CTNNA3: variants seen among roughly 807,000 people sequenced by gnomAD.
CTNNA3 encodes the protein catenin alpha 3.
CTNNA3 carries 76 observed loss-of-function variants against 95.7 expected under a neutral mutation model. That is an observed-to-expected ratio of 0.79 (90% CI 0.66 to 0.96). The LOEUF is 0.96. Among genes scored for constraint, CTNNA3 ranks in the 40% least tolerant of loss-of-function variants. The probability of loss-of-function intolerance (pLI) is 0.00; values close to 1 mark genes in which losing one functional copy is unlikely to be tolerated. For synonymous variants in CTNNA3, 431 were observed against 374.4 expected (o/e 1.15, Z -1.74); for missense variants, 1,191 against 1,089.8 (o/e 1.09, Z -1.31).
intron 7 of CTNNA3, among the ~76,000 whole-genome samples, chr10:67,026,556 C>G (rs1853400389): frequency 6.6e-6 from 1 of 152,002 alleles, no homozygotes; most frequent in Non-Finnish European, 1.5e-5. Flanking sequence ...GAGGAACATG[C>G]CTTCAAATAG....
intron 7 of CTNNA3, among the ~76,000 whole-genome samples, chr10:67,156,099 C>A (rs1324662587): frequency 2.6e-5 from 4 of 152,016 alleles, no homozygotes; most frequent in Non-Finnish European, 4.4e-5. Flanking sequence ...TCACAGTAGT[C>A]TTTTAAGATC....
intron 7 of CTNNA3, among the ~76,000 whole-genome samples, chr10:66,842,471 C>T (rs1843100705): frequency 6.6e-6 from 1 of 152,002 alleles, no homozygotes; most frequent in African/African-American, 2.4e-5. Context: ...GCCAGTAACC[C>T]AAGAGGAAAG....
chr10:66,627,428 C>A (rs982003218), intron 9 of CTNNA3, among the ~76,000 whole-genome samples: 6 of 152,080 alleles, frequency 3.9e-5, no homozygotes, highest in African/African-American at 1.2e-4. Flanking sequence ...TCTTAGCCTT[C>A]TTTCATTCTG....
intron 13 of CTNNA3, among the ~76,000 whole-genome samples, chr10:66,127,746 A>G (rs895269612): frequency 5.3e-5 from 8 of 152,214 alleles, no homozygotes; most frequent in Non-Finnish European, 2.9e-5. Context: ...TGTTAATAAT[A>G]AGGGTATAAG....
chr10:67,343,384 T>A (rs1842290054), intron 5 of CTNNA3, among the ~76,000 whole-genome samples: 1 of 152,232 alleles, frequency 6.6e-6, no homozygotes, highest in South Asian at 2.1e-4. Flanking sequence ...TTCCAATCCA[T>A]GAACATGGAA....
intron 9 of CTNNA3, among the ~76,000 whole-genome samples, chr10:66,762,234 T>G (rs1839628168): frequency 6.6e-6 from 1 of 152,144 alleles, no homozygotes; most frequent in Non-Finnish European, 1.5e-5. Context: ...ATCAAAGTAC[T>G]GGGGAGGATA....
At chr10:67,272,997 G>A (rs527530393) in intron 5 of CTNNA3, among the ~76,000 whole-genome samples, 136 of 151,936 alleles carry the variant, frequency 9.0e-4, no homozygotes, top group Non-Finnish European at 1.8e-3. Context: ...CTCACATAAA[G>A]TCCCATACTA....
intron 7 of CTNNA3, among the ~76,000 whole-genome samples, chr10:67,100,518 T>A (rs1046796104): frequency 3.4e-4 from 52 of 151,858 alleles, no homozygotes; most frequent in African/African-American, 1.2e-3. Flanking sequence ...AAACTTGCAT[T>A]TCTAACCTAT....
rs376387839 is a variant in CTNNA3 at position 67,169,971 on chromosome 10, A to G, written c.1047+10346T>C. Among the ~76,000 whole-genome samples the G allele has an allele frequency of 6.6e-5, 10 of 152,326 alleles. No homozygotes were observed. In the South Asian group the frequency reaches 2.1e-3, roughly 32 times the overall value. ...TAAAAAGCAGGTAAAGGATATGAAC[A>G]CACTTTTCAAAAGAAGACATAGATG... On this transcript the variant is annotated intron_variant, in intron 7 of 17. Coordinates refer to ENST00000433211, the MANE Select transcript of CTNNA3 (RefSeq NM_013266.4).
In CTNNA3 at chr10:66,125,962, C is replaced by T. The variant is rs545917209; in HGVS notation, c.1885-22713G>A. Among the ~76,000 whole-genome samples the T allele has an allele frequency of 2.3e-4, 35 of 152,230 alleles. 1 individual carries two copies. The highest frequency in any genetic ancestry group is 2.0e-3 in the Admixed American group (31 of 15,288). On this transcript the variant is annotated intron_variant, in intron 13 of 17. Coordinates refer to ENST00000433211, the MANE Select transcript of CTNNA3 (RefSeq NM_013266.4). Reference sequence around the variant, plus strand: ...CTTTGTCAAAAGCCATAGAAATTTACAGCACAAAGAGTAAACCTCAATTAT... The same window carrying T: ...CTTTGTCAAAAGCCATAGAAATTTATAGCACAAAGAGTAAACCTCAATTAT...
intron 7 of CTNNA3, among the ~76,000 whole-genome samples, chr10:66,846,512 A>G (rs921214374): frequency 6.6e-6 from 1 of 151,878 alleles, no homozygotes; most frequent in Non-Finnish European, 1.5e-5. Context: ...GAGGGGATAG[A>G]TATGTTTGAT....
intron 9 of CTNNA3, among the ~76,000 whole-genome samples, chr10:66,663,779 A>G (rs1846344885): frequency 6.6e-6 from 1 of 152,196 alleles, no homozygotes; most frequent in Non-Finnish European, 1.5e-5. Context: ...GAATACCTAG[A>G]GCAAAATTAA....
intron 11 of CTNNA3, among the ~76,000 whole-genome samples, chr10:66,444,815 AC>A (rs2131802316): frequency 6.6e-6 from 1 of 152,348 alleles, no homozygotes; most frequent in South Asian, 2.1e-4. Flanking sequence ...GACCAAATTC[AC>A]ACATAACACT....
intron 5 of CTNNA3, among the ~76,000 whole-genome samples, chr10:67,359,285 G>A (rs1842919752): frequency 6.7e-6 from 1 of 150,338 alleles, no homozygotes; most frequent in Non-Finnish European, 1.5e-5. Context: ...AGCCCTCTCA[G>A]GTGAGAAGAA....
chr10:66,381,005 G>A (rs2092834320), intron 11 of CTNNA3, among the ~76,000 whole-genome samples: 1 of 151,942 alleles, frequency 6.6e-6, no homozygotes, highest in Non-Finnish European at 1.5e-5. Context: ...GAGACAGAAG[G>A]TTAACAAGGA....
chr10:67,355,736 AC>A (rs1842786090), intron 5 of CTNNA3, among the ~76,000 whole-genome samples: 1 of 152,102 alleles, frequency 6.6e-6, no homozygotes, highest in African/African-American at 2.4e-5. Context: ...CAATGATAAT[AC>A]AAAGCTATCA....
Position 65,991,701 on chromosome 10 carries a change from C to A in CTNNA3, c.2160-2904G>T, listed in dbSNP as rs962607117. ...AAGATAATTTCATTGCAAAGAAGGACAATTTGGCCTCCCATTTTCCAATTT... is the reference window on the plus strand; with the variant it reads ...AAGATAATTTCATTGCAAAGAAGGAAAATTTGGCCTCCCATTTTCCAATTT... On this transcript the variant is annotated intron_variant, in intron 15 of 17. Coordinates refer to ENST00000433211, the MANE Select transcript of CTNNA3 (RefSeq NM_013266.4). Among the ~76,000 whole-genome samples the A allele has an allele frequency of 2.6e-5, 4 of 151,910 alleles. 1 individual carries two copies. Among genetic ancestry groups the A allele is most frequent in the African/African-American group, 9.7e-5 (4 of 41,400 alleles).
Position 67,051,449 on chromosome 10 carries a change from CT to C in CTNNA3, c.1047+128867del, listed in dbSNP as rs1855089723. Among the ~76,000 whole-genome samples, 10 of 108,632 alleles carry C rather than the reference CT, an allele frequency of 9.2e-5. No individual in the cohort carries two copies. In the South Asian group the frequency reaches 1.7e-3, roughly 18 times the overall value. 71.3% of individuals were successfully genotyped at this position (108,632 alleles called of 152,430 possible). A position where few individuals can be genotyped will look rare whatever the true frequency, so the allele number is the denominator to read the frequency against. ...TCTAATTTCCTTACACATCTTTTTT[CT>C]TTTTTCTTTTTTCTTTTTTTTTTTT... On this transcript the variant is annotated intron_variant, in intron 7 of 17. Coordinates refer to ENST00000433211, the MANE Select transcript of CTNNA3 (RefSeq NM_013266.4).
intron 3 of CTNNA3, among the ~76,000 whole-genome samples, chr10:67,566,519 C>T (rs898443857): frequency 6.6e-6 from 1 of 152,014 alleles, no homozygotes; most frequent in African/African-American, 2.4e-5. Context: ...AGTCAGGAAA[C>T]AACAGGTGCT....
Sources: gnomAD v4.1 joint callset for allele counts (sites outside exome capture counted in the v4.1 genomes callset) on GRCh38, gnomAD v4.1.1 for gene constraint, MANE v1.5 for transcripts, NCBI Gene and HGNC (gene_info 2026-07-23, HGNC 2026-07-21) for gene names.